CTNND2: variants seen among roughly 807,000 people sequenced by gnomAD.
CTNND2 encodes the protein catenin delta 2.
Under a neutral mutation model 144.4 loss-of-function variants are expected in CTNND2, and 22 were observed. The ratio of observed to expected loss-of-function variants is 0.15; its 90% CI spans 0.11 to 0.22. The LOEUF (loss-of-function observed/expected upper bound fraction) is 0.22, where lower values mean the gene tolerates loss of function less well. Among genes scored for constraint, CTNND2 ranks in the 10% least tolerant of loss-of-function variants. CTNND2 has a pLI of 1.00. For synonymous variants in CTNND2, 751 were observed against 695.6 expected, an observed-to-expected ratio of 1.08 and a Z score of -1.25; for missense variants, 1,353 against 1,618.8, an observed-to-expected ratio of 0.84 and a Z score of 2.82.
chr5:11,891,400 A>C (rs957775553), intron 1 of CTNND2, among the ~76,000 whole-genome samples: 1 of 152,158 alleles, frequency 6.6e-6, no homozygotes, highest in African/African-American at 2.4e-5. Context: ...CTTCCTTGAC[A>C]CTGGGTAACT....
At chr5:11,433,262 A>T (rs1388720521) in intron 3 of CTNND2, among the ~76,000 whole-genome samples, 3 of 152,154 alleles carry the variant, frequency 2.0e-5, no homozygotes, top group Non-Finnish European at 4.4e-5. Context: ...ACAAAAAAAA[A>T]TTATTTACTT....
At chr5:11,833,267 A>C (rs1039394410) in intron 1 of CTNND2, among the ~76,000 whole-genome samples, 12 of 152,226 alleles carry the variant, frequency 7.9e-5, no homozygotes, top group African/African-American at 2.9e-4. Context: ...AAATTGTGAC[A>C]AAGCCACAAT....
chr5:11,855,640 T>C (rs1795217390), intron 1 of CTNND2, among the ~76,000 whole-genome samples: 1 of 152,204 alleles, frequency 6.6e-6, no homozygotes, highest in Non-Finnish European at 1.5e-5. Flanking sequence ...ATTCAGAGAT[T>C]AAGTGTTCTT....
At chr5:11,102,794 G>A (rs1164720499) in intron 14 of CTNND2, among the ~76,000 whole-genome samples, 3 of 151,968 alleles carry the variant, frequency 2.0e-5, no homozygotes, top group East Asian at 3.9e-4. Flanking sequence ...GGTCACCATC[G>A]GCACAGAGCA....
chr5:11,690,905 C>T (rs1442104933), intron 2 of CTNND2, among the ~76,000 whole-genome samples: 2 of 152,016 alleles, frequency 1.3e-5, no homozygotes, highest in Non-Finnish European at 2.9e-5. Flanking sequence ...AGAAGGATCA[C>T]AGCATATTAA....
chr5:11,761,182 G>A (rs960470975), intron 1 of CTNND2, among the ~76,000 whole-genome samples: 5 of 152,088 alleles, frequency 3.3e-5, no homozygotes, highest in Non-Finnish European at 5.9e-5. Context: ...CACGGCACCC[G>A]CATGAGGCAA....
intron 15 of CTNND2, 142 bp from the exon 16 acceptor site, chr5:11,082,988 C>A (rs973062935): frequency 2.0e-5 from 18 of 888,402 alleles, no homozygotes; most frequent in African/African-American, 5.1e-5. Flanking sequence ...GGGTTGAATA[C>A]GTTAGACATG....
chr5:11,380,336 G>A (rs2149792890), intron 7 of CTNND2, among the ~76,000 whole-genome samples: 1 of 152,238 alleles, frequency 6.6e-6, no homozygotes, highest in Admixed American at 6.5e-5. Flanking sequence ...AAGGTAGTGT[G>A]GTAGGTATTA....
chr5:11,854,967 G>A (rs1184894917), intron 1 of CTNND2, among the ~76,000 whole-genome samples: 2 of 152,282 alleles, frequency 1.3e-5, no homozygotes, highest in South Asian at 4.1e-4. Context: ...GCCATTTGTG[G>A]TGCGCTGTCA....
At chr5:11,433,750 T>C (rs1763509575) in intron 3 of CTNND2, among the ~76,000 whole-genome samples, 1 of 152,140 alleles carries the variant, frequency 6.6e-6, no homozygotes, top group African/African-American at 2.4e-5. Flanking sequence ...TCTGTCCCCA[T>C]GACACAAACA....
Position 11,374,775 on chromosome 5 carries a change from CTTT to C in CTNND2, c.1177+9887_1178-9886del, listed in dbSNP as rs56327510. Among the ~76,000 whole-genome samples the C allele has an allele frequency of 5.4e-4, 54 of 99,396 alleles. 1 individual carries two copies. The South Asian group carries it at 0.018, about 33-fold the overall frequency. The allele number at this position is 99,396 out of a possible 152,430, so 65.2% of individuals were successfully genotyped here. ...TCCAGAACAAGGTGCTCCCAATCTA[CTTT>C]TTTTTTTTTTTTTTTTTTTTTTTTT... On this transcript the variant is annotated intron_variant, in intron 7 of 21. Transcript: ENST00000304623.
At chr5:11,265,512 C>T (rs966230937) in intron 9 of CTNND2, among the ~76,000 whole-genome samples, 9 of 152,030 alleles carry the variant, frequency 5.9e-5, no homozygotes, top group Admixed American at 1.3e-4. Flanking sequence ...TTTTACTTGC[C>T]CCCAAACCAT....
chr5:11,136,900 T>A (rs1166450134), intron 12 of CTNND2, among the ~76,000 whole-genome samples: 1 of 152,252 alleles, frequency 6.6e-6, no homozygotes, highest in African/African-American at 2.4e-5. Flanking sequence ...TTAGGAGGGC[T>A]TTCCCTGATC....
chr5:11,293,919 A>T (rs79908189), intron 9 of CTNND2, among the ~76,000 whole-genome samples: 6,641 of 151,256 alleles, frequency 0.044, 370 homozygotes, highest in African/African-American at 0.13. Context: ...AAGCAATAAT[A>T]GAACCAGCCC....
chr5:11,492,505 A>G lies in CTNND2; in HGVS notation c.287+72439T>C, dbSNP rs867796015. The stretch of plus-strand genomic sequence containing the variant: ...TCTTTCTACAGCTATATATATATAT[A>G]TGTGTGTGTGTGTGTGTGTGTGTGT... On this transcript the variant is annotated intron_variant, in intron 3 of 21. Coordinates refer to ENST00000304623, the MANE Select transcript of CTNND2 (RefSeq NM_001332.4). Among the ~76,000 whole-genome samples, 314 of 140,422 alleles carry G rather than the reference A, an allele frequency of 2.2e-3. 1 individual carries two copies. Among genetic ancestry groups the G allele is most frequent in the South Asian group, 1.0e-2 (44 of 4,414 alleles). The allele number at this position is 140,422 out of a possible 152,430, so 92.1% of individuals were successfully genotyped here. A position where few individuals can be genotyped will look rare whatever the true frequency, so the allele number is the denominator to read the frequency against.
At chr5:11,536,107 A>C (rs1449374539) in intron 3 of CTNND2, among the ~76,000 whole-genome samples, 1 of 152,190 alleles carries the variant, frequency 6.6e-6, no homozygotes, top group Non-Finnish European at 1.5e-5. Context: ...TCTGTCACCC[A>C]GGCTGAAGTG....
intron 1 of CTNND2, among the ~76,000 whole-genome samples, chr5:11,737,671 T>C (rs1561748039): frequency 6.6e-6 from 1 of 152,174 alleles, no homozygotes. Context: ...TGCTGAAGCC[T>C]TAATCCCTAT....
intron 3 of CTNND2, among the ~76,000 whole-genome samples, chr5:11,463,848 C>A (rs1382099604): frequency 6.8e-6 from 1 of 147,702 alleles, no homozygotes; most frequent in Non-Finnish European, 1.5e-5. Context: ...AGGAAAGCGT[C>A]CCTTACAAAA....
At chr5:11,544,549 G>A (rs943492122) in intron 3 of CTNND2, among the ~76,000 whole-genome samples, 1 of 152,176 alleles carries the variant, frequency 6.6e-6, no homozygotes, top group African/African-American at 2.4e-5. Context: ...TGCATCAACT[G>A]GTAAATGAAT....
Sources: gnomAD v4.1 joint callset for allele counts (sites outside exome capture counted in the v4.1 genomes callset) on GRCh38, gnomAD v4.1.1 for gene constraint, MANE v1.5 for transcripts, NCBI Gene and HGNC (gene_info 2026-07-23, HGNC 2026-07-21) for gene names.